Variants in TSNARE1 observed in about 807,000 individuals in gnomAD.
TSNARE1 encodes t-SNARE domain containing 1, also known as t-SNARE domain-containing protein 1.
Under a neutral mutation model 62.0 loss-of-function variants are expected in TSNARE1, and 49 were observed. The observed-to-expected ratio is 0.79, with a 90% CI of 0.63 to 1.00. TSNARE1 has a LOEUF of 1.00. Among genes scored for constraint, TSNARE1 ranks in the 50% least tolerant of loss-of-function variants. The pLI, the probability that TSNARE1 is intolerant of heterozygous loss-of-function variation, is 0.00. For synonymous variants in TSNARE1, 328 were observed against 294.4 expected (o/e 1.11, Z -1.17); for missense variants, 755 against 700.1 (o/e 1.08, Z -0.88).
chr8:142,391,735 G>A (rs894087174), intron 1 of TSNARE1, among the ~76,000 whole-genome samples: 16 of 152,328 alleles, frequency 1.1e-4, no homozygotes, highest in Non-Finnish European at 1.3e-4. Flanking sequence ...CCGCCCTGCC[G>A]CAGCAGCCGG....
intron 12 of TSNARE1, among the ~76,000 whole-genome samples, chr8:142,256,287 C>A (rs1818548712): frequency 7.4e-6 from 1 of 134,498 alleles, no homozygotes; most frequent in African/African-American, 2.8e-5. Context: ...CCATTACCAT[C>A]ATCACCACAC....
chr8:142,224,390 C>T (rs1816678419), intron 13 of TSNARE1, among the ~76,000 whole-genome samples: 1 of 152,220 alleles, frequency 6.6e-6, no homozygotes, highest in African/African-American at 2.4e-5. Context: ...TGACCCTCAC[C>T]ATATGCTGAC....
At chr8:142,275,709 C>G in intron 11 of TSNARE1, 1 of 985,454 alleles carries the variant, frequency 1.0e-6, no homozygotes, top group Non-Finnish European at 1.2e-6. Context: ...TGGAGAAGAG[C>G]TTGGGAGGCA....
At chr8:142,298,583 T>C (rs1825152160) in intron 10 of TSNARE1, among the ~76,000 whole-genome samples, 2 of 152,294 alleles carry the variant, frequency 1.3e-5, no homozygotes, top group South Asian at 2.1e-4. Context: ...AGCCTCTCCC[T>C]GGACGCTGCC....
chr8:142,350,071 AG>A (rs1833899555), intron 2 of TSNARE1, among the ~76,000 whole-genome samples: 1 of 44,160 alleles, frequency 2.3e-5, no homozygotes, highest in Admixed American at 2.7e-4. Flanking sequence ...GGCTGGGACC[AG>A]GGCAGGCAGG....
At chr8:142,381,366 AG>A (rs35790842) in intron 1 of TSNARE1, among the ~76,000 whole-genome samples, 1 of 152,192 alleles carries the variant, frequency 6.6e-6, no homozygotes, top group South Asian at 2.1e-4. Flanking sequence ...GCAGGTGTCC[AG>A]GGAAGTGAGC....
intron 1 of TSNARE1, among the ~76,000 whole-genome samples, chr8:142,385,353 A>C (rs1444891244): frequency 6.6e-6 from 1 of 152,244 alleles, no homozygotes; most frequent in African/African-American, 2.4e-5. Flanking sequence ...ATTCTGAAAA[A>C]AACACCTTCA....
chr8:142,368,332 A>C (rs1053100183), intron 1 of TSNARE1, among the ~76,000 whole-genome samples: 5 of 152,226 alleles, frequency 3.3e-5, no homozygotes, highest in Non-Finnish European at 7.3e-5. Context: ...GTGCTTAAAC[A>C]TGTGAAAAGA....
chr8:142,231,653 C>T (rs370890408), intron 12 of TSNARE1, among the ~76,000 whole-genome samples: 18 of 152,314 alleles, frequency 1.2e-4, no homozygotes, highest in African/African-American at 4.3e-4. Context: ...TCACCAGCAT[C>T]GTCCCAGTCA....
intron 4 of TSNARE1, among the ~76,000 whole-genome samples, chr8:142,337,470 T>C (rs1031452202): frequency 1.6e-4 from 25 of 152,252 alleles, no homozygotes; most frequent in African/African-American, 5.5e-4. Flanking sequence ...GGCTGTGCTA[T>C]GTCCAAAGAC....
chr8:142,257,244 C>T (rs1047432856), intron 12 of TSNARE1, among the ~76,000 whole-genome samples: 2 of 152,184 alleles, frequency 1.3e-5, no homozygotes, highest in African/African-American at 4.8e-5. Context: ...TGGAGCAGCC[C>T]GGGGTTCCCA....
intron 10 of TSNARE1, chr8:142,300,226 T>C: frequency 2.5e-6 from 1 of 400,826 alleles, no homozygotes; most frequent in Admixed American, 4.0e-5. Flanking sequence ...AGACCCCAGC[T>C]CCTGGCCAGA....
intron 11 of TSNARE1, among the ~76,000 whole-genome samples, chr8:142,280,566 T>C (rs1821256782): frequency 6.6e-6 from 1 of 152,100 alleles, no homozygotes; most frequent in Non-Finnish European, 1.5e-5. Context: ...CCACGTGTGG[T>C]GGGTCAGCCC....
At chr8:142,383,376 T>C (rs895507709) in intron 1 of TSNARE1, among the ~76,000 whole-genome samples, 13 of 150,064 alleles carry the variant, frequency 8.7e-5, no homozygotes, top group Non-Finnish European at 4.5e-5. Flanking sequence ...CAGTACAGAG[T>C]GCAAATGCCA....
chr8:142,252,995 C>T (rs987457515), intron 12 of TSNARE1, among the ~76,000 whole-genome samples: 1 of 152,236 alleles, frequency 6.6e-6, no homozygotes, highest in African/African-American at 2.4e-5. Context: ...ACACAAGGTC[C>T]AGCCTCTGCC....
At chr8:142,262,401 A>C (rs564386736) in intron 12 of TSNARE1, among the ~76,000 whole-genome samples, 1 of 152,206 alleles carries the variant, frequency 6.6e-6, no homozygotes, top group Admixed American at 6.5e-5. Context: ...AATTTTCTCC[A>C]CAAATATTGT....
At chr8:142,382,308 G>T (rs1012978281) in intron 1 of TSNARE1, among the ~76,000 whole-genome samples, 6 of 152,186 alleles carry the variant, frequency 3.9e-5, no homozygotes, top group South Asian at 4.1e-4. Context: ...AGAATCAGCG[G>T]TGGAGAAGCA....
intron 1 of TSNARE1, among the ~76,000 whole-genome samples, chr8:142,382,994 CA>C (rs1043913602): frequency 2.6e-5 from 4 of 151,984 alleles, no homozygotes; most frequent in Non-Finnish European, 4.4e-5. Flanking sequence ...GAAAGGAGGG[CA>C]GGGGGGCAGG....
At chr8:142,261,642 C>T (rs1002738655) in intron 12 of TSNARE1, among the ~76,000 whole-genome samples, 1 of 152,086 alleles carries the variant, frequency 6.6e-6, no homozygotes, top group Non-Finnish European at 1.5e-5. Context: ...TTTCTCCTTG[C>T]TCCTCATCCT....
Sources: gnomAD v4.1 joint callset for allele counts (sites outside exome capture counted in the v4.1 genomes callset) on GRCh38, gnomAD v4.1.1 for gene constraint, MANE v1.5 for transcripts, NCBI Gene and HGNC (gene_info 2026-07-23, HGNC 2026-07-21) for gene names.